The following FRMD4A variants were observed in gnomAD, a reference collection of about 807,000 sequenced individuals.
FRMD4A encodes the protein FERM domain-containing protein 4A.
A neutral mutation model predicts 129.1 loss-of-function variants in FRMD4A; 29 were observed. The ratio of observed to expected loss-of-function variants is 0.22; its 90% CI spans 0.17 to 0.31. FRMD4A has a LOEUF of 0.31. Ranked by LOEUF, FRMD4A falls within the 10% of genes least tolerant of loss-of-function variation. FRMD4A has a pLI of 1.00. For missense variants in FRMD4A, 1,272 were observed against 1,375.8 expected, an observed-to-expected ratio of 0.92 and a Z score of 1.19; for synonymous variants, 634 against 571.6, an observed-to-expected ratio of 1.11 and a Z score of -1.56.
At chr10:14,091,791 C>T (rs1198961500) in intron 2 of FRMD4A, among the ~76,000 whole-genome samples, 1 of 152,168 alleles carries the variant, frequency 6.6e-6, no homozygotes, top group African/African-American at 2.4e-5. Flanking sequence ...AATGAGGAAA[C>T]CAATAGAAGC....
chr10:14,043,205 A>C (rs2131676861), intron 2 of FRMD4A, among the ~76,000 whole-genome samples: 1 of 152,312 alleles, frequency 6.6e-6, no homozygotes, highest in East Asian at 1.9e-4. Flanking sequence ...TGCACATTTA[A>C]CATTAAAGTT....
chr10:13,906,868 C>T (rs949271532), intron 2 of FRMD4A, among the ~76,000 whole-genome samples: 4 of 152,210 alleles, frequency 2.6e-5, no homozygotes, highest in African/African-American at 9.7e-5. Flanking sequence ...AGCCCACAAC[C>T]TTTCAGCAAT....
chr10:14,233,349 C>G lies in FRMD4A; in HGVS notation c.45+96709G>C, dbSNP rs2131991189. On this transcript the variant is annotated intron_variant, in intron 2 of 24. Coordinates refer to ENST00000357447, the MANE Select transcript of FRMD4A (RefSeq NM_018027.5). ...CTTTGGGAGGCCGAGGAGGGCAGATCACCTGAGGTCAGGAGTTCAAGACCA... is the reference window on the plus strand; with the variant it reads ...CTTTGGGAGGCCGAGGAGGGCAGATGACCTGAGGTCAGGAGTTCAAGACCA... Among the ~76,000 whole-genome samples, 3 of 152,312 alleles carry G rather than the reference C, an allele frequency of 2.0e-5. 1 individual carries two copies.
chr10:14,151,199 T>C (rs1017609655), intron 2 of FRMD4A, among the ~76,000 whole-genome samples: 3 of 152,168 alleles, frequency 2.0e-5, no homozygotes, highest in Non-Finnish European at 4.4e-5. Context: ...TATCAGAAAG[T>C]CACATGCACT....
intron 2 of FRMD4A, among the ~76,000 whole-genome samples, chr10:13,981,426 G>A (rs1279149067): frequency 1.3e-5 from 2 of 152,118 alleles, no homozygotes; most frequent in African/African-American, 4.8e-5. Context: ...GTGTATGAAA[G>A]GACAAGCTAT....
intron 2 of FRMD4A, among the ~76,000 whole-genome samples, chr10:14,270,128 T>C (rs1845113563): frequency 6.6e-6 from 1 of 152,190 alleles, no homozygotes. Flanking sequence ...TCAGACTGAC[T>C]GAGAGAGATA....
At chr10:13,988,742 A>G (rs1199317551) in intron 2 of FRMD4A, among the ~76,000 whole-genome samples, 1 of 152,196 alleles carries the variant, frequency 6.6e-6, no homozygotes, top group Non-Finnish European at 1.5e-5. Context: ...ATCTCTATGT[A>G]GATTTCTATA....
At chr10:13,926,144 T>C (rs1482794430) in intron 2 of FRMD4A, among the ~76,000 whole-genome samples, 1 of 152,162 alleles carries the variant, frequency 6.6e-6, no homozygotes, top group Admixed American at 6.5e-5. Flanking sequence ...CTTCTGTATA[T>C]TGTGCATTAA....
At chr10:13,967,074 A>G (rs2095489612) in intron 2 of FRMD4A, among the ~76,000 whole-genome samples, 1 of 152,270 alleles carries the variant, frequency 6.6e-6, no homozygotes, top group African/African-American at 2.4e-5. Flanking sequence ...GCGGTGGCTC[A>G]CGCCTGTAAT....
chr10:13,698,771 G>GA (rs2086485916), intron 14 of FRMD4A, among the ~76,000 whole-genome samples: 1 of 152,188 alleles, frequency 6.6e-6, no homozygotes, highest in Non-Finnish European at 1.5e-5. Context: ...CCCAGAGCTG[G>GA]AAAACAGAGG....
At chr10:13,692,141 T>C (rs1400183361) in intron 15 of FRMD4A, 2 of 5,264 alleles carry the variant, frequency 3.8e-4, no homozygotes, top group Non-Finnish European at 1.7e-3. Flanking sequence ...TTTTAGCAGC[T>C]TTTTTTTTTT....
At chr10:13,712,813 C>T (rs912876073) in intron 12 of FRMD4A, among the ~76,000 whole-genome samples, 1 of 152,186 alleles carries the variant, frequency 6.6e-6, no homozygotes, top group East Asian at 1.9e-4. Flanking sequence ...TAAATACTGC[C>T]TTTGAGACCT....
At chr10:14,261,941 A>AC (rs1844815970) in intron 2 of FRMD4A, among the ~76,000 whole-genome samples, 5 of 128,234 alleles carry the variant, frequency 3.9e-5, no homozygotes, top group South Asian at 2.8e-4. Context: ...CACCACACCA[A>AC]ACACACACAC....
intron 12 of FRMD4A, among the ~76,000 whole-genome samples, chr10:13,728,150 T>A (rs1345054337): frequency 6.6e-6 from 1 of 152,244 alleles, no homozygotes; most frequent in Admixed American, 6.5e-5. Context: ...GAGGGTGCTT[T>A]CAAAAGTGTT....
intron 2 of FRMD4A, among the ~76,000 whole-genome samples, chr10:14,131,402 C>CCG (rs1554767052): frequency 4.6e-5 from 7 of 151,752 alleles, no homozygotes; most frequent in African/African-American, 1.7e-4. Flanking sequence ...CTGTGCCCCC[C>CCG]CCGGCCGCCC....
intron 2 of FRMD4A, among the ~76,000 whole-genome samples, chr10:13,965,754 T>C (rs548701758): frequency 6.6e-6 from 1 of 152,304 alleles, no homozygotes; most frequent in East Asian, 1.9e-4. Flanking sequence ...AAAGGACAAG[T>C]TTTGATCAGC....
At chr10:13,871,456 T>C (rs2094438482) in intron 2 of FRMD4A, among the ~76,000 whole-genome samples, 1 of 152,108 alleles carries the variant, frequency 6.6e-6, no homozygotes, top group Non-Finnish European at 1.5e-5. Flanking sequence ...CCCAAAGAAG[T>C]GAAGGAGAAA....
intron 6 of FRMD4A, among the ~76,000 whole-genome samples, chr10:13,775,490 C>T (rs150161094): frequency 1.3e-5 from 2 of 152,132 alleles, no homozygotes; most frequent in East Asian, 3.8e-4. Flanking sequence ...AGAATAAAGA[C>T]TTTTTCAGAT....
At chr10:13,689,855 G>A (rs955472925) in intron 15 of FRMD4A, among the ~76,000 whole-genome samples, 9 of 151,762 alleles carry the variant, frequency 5.9e-5, no homozygotes, top group African/African-American at 1.9e-4. Flanking sequence ...GAGCCACTGT[G>A]CTGGGGTGAA....
Sources: gnomAD v4.1 joint callset for allele counts (sites outside exome capture counted in the v4.1 genomes callset) on GRCh38, gnomAD v4.1.1 for gene constraint, MANE v1.5 for transcripts, NCBI Gene and HGNC (gene_info 2026-07-23, HGNC 2026-07-21) for gene names.